The following SFSWAP variants were observed in gnomAD, a reference collection of about 807,000 sequenced individuals.
SFSWAP encodes the protein splicing factor, suppressor of white-apricot homolog.
SFSWAP carries 17 observed loss-of-function variants against 100.7 expected under a neutral mutation model. The ratio of observed to expected loss-of-function variants is 0.17; its 90% CI spans 0.12 to 0.25. SFSWAP has a LOEUF of 0.25. Ranked by LOEUF, SFSWAP falls within the 10% of genes least tolerant of loss-of-function variation. The pLI, the probability that SFSWAP is intolerant of heterozygous loss-of-function variation, is 1.00. For synonymous variants in SFSWAP, 504 were observed against 510.1 expected (o/e 0.99, Z 0.16); for missense variants, 1,005 against 1,262.6 (o/e 0.80, Z 3.09).
At chr12:131,760,595 C>T (rs1882574160) in intron 11 of SFSWAP, among the ~76,000 whole-genome samples, 1 of 152,082 alleles carries the variant, frequency 6.6e-6, no homozygotes, top group Admixed American at 6.6e-5. Flanking sequence ...CCTTCTACTC[C>T]TAGAAACGTG....
intron 7 of SFSWAP, among the ~76,000 whole-genome samples, chr12:131,750,093 C>T (rs1223544193): frequency 6.6e-6 from 1 of 152,222 alleles, no homozygotes; most frequent in African/African-American, 2.4e-5. Context: ...TGGGCTGCTC[C>T]AGATGACTTG....
chr12:131,717,937 G>A (rs1217009521), intron 3 of SFSWAP, among the ~76,000 whole-genome samples: 1 of 152,066 alleles, frequency 6.6e-6, no homozygotes, highest in Non-Finnish European at 1.5e-5. Flanking sequence ...CACCATGTTG[G>A]CCAGACTGGT....
chr12:131,732,697 T>G (rs1185320509), intron 7 of SFSWAP, among the ~76,000 whole-genome samples: 2 of 152,240 alleles, frequency 1.3e-5, no homozygotes, highest in Non-Finnish European at 2.9e-5. Flanking sequence ...ATCTCTAATG[T>G]GTGATTTTCC....
At position 131,774,679 on chromosome 12, in the gene SFSWAP, AAAG is replaced by A. The variant is rs533389898; in HGVS notation, c.2143-3385_2143-3383del. ...TCACTTTTAGCACTTGAAGCTGAAA[AAAG>A]CAGTAATGTCAACATAATGAACCAT... On this transcript the variant is annotated intron_variant, in intron 13 of 17. Transcript: ENST00000261674. Among the ~76,000 whole-genome samples, 99 of 152,318 alleles carry A rather than the reference AAAG, an allele frequency of 6.5e-4. No homozygotes were observed. The South Asian group carries it at 8.1e-3, about 12-fold the overall frequency.
chr12:131,795,096 G>A (rs932799182), intron 15 of SFSWAP, among the ~76,000 whole-genome samples: 2 of 152,164 alleles, frequency 1.3e-5, no homozygotes, highest in African/African-American at 4.8e-5. Flanking sequence ...TGACTCTTTC[G>A]TGCAGGTCCC....
At chr12:131,759,547 C>T (rs1882467832) in intron 11 of SFSWAP, among the ~76,000 whole-genome samples, 1 of 152,110 alleles carries the variant, frequency 6.6e-6, no homozygotes. Context: ...CGCTTGTAAT[C>T]CCAGCACTTT....
intron 9 of SFSWAP, 128 bp downstream of exon 9, chr12:131,754,627 C>CTTTTTTTTTTTTTTTTTTT (rs869226840): frequency 3.8e-5 from 3 of 79,840 alleles, no homozygotes; most frequent in Admixed American, 2.2e-4. Flanking sequence ...GCTCAAATGT[C>CTTTTTTTTTTTTTTTTTTT]TTTTTTTTTT....
intron 15 of SFSWAP, among the ~76,000 whole-genome samples, chr12:131,792,799 A>C (rs1885364423): frequency 6.6e-6 from 1 of 152,260 alleles, no homozygotes; most frequent in Non-Finnish European, 1.5e-5. Context: ...GCAGAGATGC[A>C]GTGCAGTCCC....
Position 131,785,515 on chromosome 12 carries a change from GT to G in SFSWAP, c.2409-940del, listed in dbSNP as rs1211194394. On this transcript the variant is annotated intron_variant, in intron 14 of 17. Coordinates refer to ENST00000261674, the MANE Select transcript of SFSWAP (RefSeq NM_004592.4). Reference sequence around the variant, plus strand: ...TGGAAACAAAATGGAAATAAATGGTGTTTTTTTTCCAGATTTGTGCTCATTG... The same window carrying G: ...TGGAAACAAAATGGAAATAAATGGTGTTTTTTTCCAGATTTGTGCTCATTG... The G allele has an allele frequency of 2.3e-5, 7 of 298,150 alleles. No individual in the cohort carries two copies. In the East Asian group the frequency reaches 2.9e-4, roughly 12 times the overall value. The allele number at this position is 298,150 out of a possible 1,614,324, so 18.5% of individuals were successfully genotyped here.
rs915214353 is a variant in SFSWAP at position 131,781,079 on chromosome 12, G to T, written c.2408+2749G>T. ...ACTTGGAATTTCAGGTTTCTAAGTTGTACATCCTTTTTGTTGACTGGTCTA... is the reference window on the plus strand; with the variant it reads ...ACTTGGAATTTCAGGTTTCTAAGTTTTACATCCTTTTTGTTGACTGGTCTA... On this transcript the variant is annotated intron_variant, in intron 14 of 17. Coordinates refer to ENST00000261674, the MANE Select transcript of SFSWAP (RefSeq NM_004592.4). Among the ~76,000 whole-genome samples, 3 of 152,138 alleles carry T rather than the reference G, an allele frequency of 2.0e-5. No homozygotes were observed. The South Asian group carries it at 6.2e-4, about 32-fold the overall frequency.
At chr12:131,798,676 G>A (rs1885851947) in intron 16 of SFSWAP, among the ~76,000 whole-genome samples, 1 of 152,224 alleles carries the variant, frequency 6.6e-6, no homozygotes, top group South Asian at 2.1e-4. Context: ...GATCACCTGA[G>A]GTCAGGAGTT....
Position 131,725,956 on chromosome 12 carries a change from T to C in SFSWAP, c.832+326T>C, listed in dbSNP as rs1878924681. Among the ~76,000 whole-genome samples the C allele has an allele frequency of 6.6e-6, 1 of 152,204 alleles. No homozygotes were observed. The highest frequency in any genetic ancestry group is 1.5e-5 in the Non-Finnish European group (1 of 68,042). ...TAACATTTCATAGAGAAAACAGTTA[T>C]ATATCCTCTCTTGGATTATTCAAGT... On this transcript the variant is annotated intron_variant, in intron 5 of 17. Coordinates refer to ENST00000261674, the MANE Select transcript of SFSWAP (RefSeq NM_004592.4). The surrounding 1 kb of genome is among the most constrained non-coding windows in gnomAD (Gnocchi z 4.3).
At chr12:131,770,768 G>A (rs1883521898) in intron 13 of SFSWAP, among the ~76,000 whole-genome samples, 1 of 152,134 alleles carries the variant, frequency 6.6e-6, no homozygotes, top group Non-Finnish European at 1.5e-5. Flanking sequence ...TTCACACTGT[G>A]CAACTATTAC....
In SFSWAP at chr12:131,714,763, A is replaced by T; in HGVS notation, c.389-59A>T. The T allele has an allele frequency of 6.7e-7, 1 of 1,489,352 alleles. No homozygotes were observed. The highest frequency in any genetic ancestry group is 9.3e-7 in the Non-Finnish European group (1 of 1,074,964). The allele number at this position is 1,489,352 out of a possible 1,614,324, so 92.3% of individuals were successfully genotyped here. A position where few individuals can be genotyped will look rare whatever the true frequency, so the allele number is the denominator to read the frequency against. ...CTGATAGCTACAACTTTAGAAATATATAAAGTTTTTCTCAGTAATTTTCTA... is the reference window on the plus strand; with the variant it reads ...CTGATAGCTACAACTTTAGAAATATTTAAAGTTTTTCTCAGTAATTTTCTA... On this transcript the variant is annotated intron_variant, in intron 2 of 17. Transcript: ENST00000261674. The surrounding 1 kb of genome is among the most constrained non-coding windows in gnomAD (Gnocchi z 6.0).
rs770692134 is a variant in SFSWAP at position 131,766,262 on chromosome 12, C to T, written c.2096C>T (p.Pro699Leu). Residue 699 changes from proline to leucine, a missense_variant, in exon 13 of 18, where the codon CCG (proline) becomes CTG (leucine). Pro to Leu is a moderately conservative substitution (Grantham distance 98, BLOSUM62 -3). This residue lies in a region of SFSWAP where 295 missense variants were observed against 347.9 expected (regional missense o/e 0.85). Coordinates refer to ENST00000261674, the MANE Select transcript of SFSWAP (RefSeq NM_004592.4). Reference protein sequence around the residue: ...LFLQTLKNPLPEAEAGKIEES... With the variant: ...LFLQTLKNPLLEAEAGKIEES... Reference sequence around the variant, plus strand: ...TTACAGACCCTCAAAAATCCTCTGCCGGAAGCAGAAGCTGGGAAAATTGAG... The same window carrying T: ...TTACAGACCCTCAAAAATCCTCTGCTGGAAGCAGAAGCTGGGAAAATTGAG... The T allele has an allele frequency of 6.2e-6, 10 of 1,614,130 alleles. No homozygotes were observed. The highest frequency in any genetic ancestry group is 7.6e-6 in the Non-Finnish European group (9 of 1,180,034).
intron 13 of SFSWAP, among the ~76,000 whole-genome samples, chr12:131,774,388 C>T (rs1883850671): frequency 6.6e-6 from 1 of 152,146 alleles, no homozygotes; most frequent in Admixed American, 6.5e-5. Flanking sequence ...ATTTTGTTGC[C>T]AAATACTTCA....
chr12:131,789,664 C>T (rs940304984), intron 15 of SFSWAP, among the ~76,000 whole-genome samples: 17 of 152,054 alleles, frequency 1.1e-4, no homozygotes, highest in Admixed American at 7.9e-4. Flanking sequence ...ACTCCCCTCC[C>T]TCCCTCCTCC....
At position 131,786,565 on chromosome 12, in the gene SFSWAP, C is replaced by T. The variant is rs1389973511; in HGVS notation, c.2511C>T (p.Ala837=). 3 of 1,589,892 alleles carry T rather than the reference C, an allele frequency of 1.9e-6. No homozygotes were observed. The highest frequency in any genetic ancestry group is 4.6e-5 in the East Asian group (2 of 43,942). ...TAYRVSRSPG[A]SRKRTRSRSP... ...ACCGCGTGAGCCGCAGCCCTGGGGC[C>T]AGTAGGAAGCGGACCCGCTCCAGGT... The change falls in exon 15 of 18, where the codon GCC becomes GCT. Residue 837 remains alanine, a synonymous_variant. Transcript: ENST00000261674.
chr12:131,755,944 G>A (rs959089860), intron 10 of SFSWAP, among the ~76,000 whole-genome samples: 7 of 152,344 alleles, frequency 4.6e-5, no homozygotes, highest in African/African-American at 7.2e-5. Context: ...GATCCCCAGC[G>A]TGGTGCTGGC....
Sources: allele counts gnomAD v4.1 joint callset (sites outside exome capture counted in the v4.1 genomes callset), GRCh38; gene constraint gnomAD v4.1.1; regional missense constraint gnomAD v4.1.1; non-coding constraint Gnocchi (gnomAD v3.1); transcripts MANE v1.5; gene names NCBI Gene and HGNC (gene_info 2026-07-23, HGNC 2026-07-21).